FAM168A: variants seen among roughly 807,000 people sequenced by gnomAD.
FAM168A encodes protein FAM168A.
FAM168A carries 3 observed loss-of-function variants against 28.5 expected under a neutral mutation model. The observed-to-expected ratio is 0.11, with a 90% CI of 0.05 to 0.27. FAM168A has a LOEUF of 0.27. Among genes scored for constraint, FAM168A ranks in the 10% least tolerant of loss-of-function variants. FAM168A has a pLI of 1.00. For synonymous variants in FAM168A, 122 were observed against 124.2 expected, an observed-to-expected ratio of 0.98 and a Z score of 0.12; for missense variants, 222 against 311.5, an observed-to-expected ratio of 0.71 and a Z score of 2.16.
At chr11:73,504,714 T>G (rs956917593) in intron 1 of FAM168A, among the ~76,000 whole-genome samples, 2 of 152,232 alleles carry the variant, frequency 1.3e-5, no homozygotes, top group Non-Finnish European at 2.9e-5. Flanking sequence ...ATATGTTTAC[T>G]GCAGCACTAC....
At chr11:73,589,652 G>A (rs1944359509) in intron 1 of FAM168A, among the ~76,000 whole-genome samples, 1 of 152,240 alleles carries the variant, frequency 6.6e-6, no homozygotes, top group African/African-American at 2.4e-5. Flanking sequence ...CTTTCGGCTG[G>A]GCACGGTGGC....
chr11:73,470,657 G>A (rs1054006461), intron 1 of FAM168A, among the ~76,000 whole-genome samples: 5 of 152,126 alleles, frequency 3.3e-5, no homozygotes, highest in African/African-American at 1.2e-4. Context: ...GGATGACACA[G>A]CAAGAAGGCC....
At chr11:73,514,644 C>T (rs780091317) in intron 1 of FAM168A, among the ~76,000 whole-genome samples, 4 of 152,138 alleles carry the variant, frequency 2.6e-5, no homozygotes, top group Non-Finnish European at 5.9e-5. Context: ...CCAGCCTGAG[C>T]AACATGGCAA....
Position 73,406,360 on chromosome 11 carries a change from A to G in FAM168A, c.*403T>C, listed in dbSNP as rs1235111521. On this transcript the variant is annotated 3_prime_UTR_variant, in exon 8 of 8. Transcript: ENST00000356467. ...CAACAGCTCTGAGTTCCTACCCTGGACCACATCTGTTTATGCTCTTCAAAT... is the reference window on the plus strand; with the variant it reads ...CAACAGCTCTGAGTTCCTACCCTGGGCCACATCTGTTTATGCTCTTCAAAT... 1 of 152,182 alleles carries G rather than the reference A, an allele frequency of 6.6e-6. No homozygotes were observed. The highest frequency in any genetic ancestry group is 1.9e-4 in the East Asian group (1 of 5,186). The allele number at this position is 152,182 out of a possible 1,614,324, so 9.4% of individuals were successfully genotyped here. A position where few individuals can be genotyped will look rare whatever the true frequency, so the allele number is the denominator to read the frequency against.
At chr11:73,539,019 ACAGG>A (rs1943619220) in intron 1 of FAM168A, among the ~76,000 whole-genome samples, 2 of 152,246 alleles carry the variant, frequency 1.3e-5, no homozygotes, top group South Asian at 4.1e-4. Flanking sequence ...AAAGGAACTT[ACAGG>A]TTAAATAAGA....
At chr11:73,560,650 A>G (rs1943947614) in intron 1 of FAM168A, among the ~76,000 whole-genome samples, 1 of 152,248 alleles carries the variant, frequency 6.6e-6, no homozygotes, top group Non-Finnish European at 1.5e-5. Flanking sequence ...AGCTAAATTT[A>G]AACAGTGATA....
chr11:73,408,898 T>C (rs1385192162), intron 6 of FAM168A, among the ~76,000 whole-genome samples: 1 of 152,060 alleles, frequency 6.6e-6, no homozygotes, highest in African/African-American at 2.4e-5. Context: ...ACATTGCCCC[T>C]GTGTCTTCTT....
rs1409537849 is a variant in FAM168A at position 73,526,895 on chromosome 11, G to A, written c.-18-58403C>T. Reference sequence around the variant, plus strand: ...AAAAAAAAAAAAAAAAAAAAAAAACGGAGAGAAATGAAACAAACTGAAACA... The same window carrying A: ...AAAAAAAAAAAAAAAAAAAAAAAACAGAGAGAAATGAAACAAACTGAAACA... On this transcript the variant is annotated intron_variant, in intron 1 of 7. Coordinates refer to ENST00000356467, the MANE Select transcript of FAM168A (RefSeq NM_015159.3). Among the ~76,000 whole-genome samples the A allele has an allele frequency of 9.3e-5, 12 of 128,638 alleles. No homozygotes were observed. The East Asian group carries it at 1.6e-3, about 17-fold the overall frequency. The allele number at this position is 128,638 out of a possible 152,430, so 84.4% of individuals were successfully genotyped here. A position where few individuals can be genotyped will look rare whatever the true frequency, so the allele number is the denominator to read the frequency against.
chr11:73,464,334 G>A (rs947714035), intron 2 of FAM168A, among the ~76,000 whole-genome samples: 1 of 146,578 alleles, frequency 6.8e-6, no homozygotes, highest in African/African-American at 2.6e-5. Context: ...GGGGTGGGGG[G>A]GAAAACAAAC....
intron 1 of FAM168A, among the ~76,000 whole-genome samples, chr11:73,563,306 T>C (rs891943519): frequency 2.6e-4 from 39 of 152,238 alleles, no homozygotes; most frequent in Non-Finnish European, 1.0e-4. Flanking sequence ...TAAGCAACTA[T>C]CCTCTGAGGA....
chr11:73,472,758 T>C (rs1247276652), intron 1 of FAM168A, among the ~76,000 whole-genome samples: 1 of 152,180 alleles, frequency 6.6e-6, no homozygotes, highest in East Asian at 1.9e-4. Context: ...CTAATGGATT[T>C]AATATAAGGT....
chr11:73,472,537 C>A (rs1044603328), intron 1 of FAM168A, among the ~76,000 whole-genome samples: 1 of 152,140 alleles, frequency 6.6e-6, no homozygotes, highest in Non-Finnish European at 1.5e-5. Context: ...GACTGTTTTA[C>A]AAAGAAGAGT....
At chr11:73,437,391 C>T (rs1398062403) in intron 2 of FAM168A, among the ~76,000 whole-genome samples, 5 of 149,046 alleles carry the variant, frequency 3.4e-5, no homozygotes, top group Non-Finnish European at 4.4e-5. Context: ...GCTACCACGC[C>T]CGGCCACTCT....
intron 3 of FAM168A, among the ~76,000 whole-genome samples, chr11:73,423,258 A>T (rs559424512): frequency 6.6e-6 from 1 of 152,082 alleles, no homozygotes; most frequent in South Asian, 2.1e-4. Flanking sequence ...TCTGAACTAC[A>T]CTACTGCAAC....
chr11:73,544,680 A>ATAATTATATATTTTATATGTAATTATATG (rs1943703026), intron 1 of FAM168A, among the ~76,000 whole-genome samples: 4 of 125,912 alleles, frequency 3.2e-5, no homozygotes, highest in African/African-American at 5.9e-5. Flanking sequence ...ATAATTATAT[A>ATAATTATATATTTTATATGTAATTATATG]TAATTATATA....
chr11:73,483,105 A>C (rs1385180825), intron 1 of FAM168A, among the ~76,000 whole-genome samples: 3 of 152,220 alleles, frequency 2.0e-5, no homozygotes, highest in Non-Finnish European at 4.4e-5. Flanking sequence ...TCTTCTGTGT[A>C]GTGGGAAATA....
intron 1 of FAM168A, among the ~76,000 whole-genome samples, chr11:73,593,792 T>A (rs1406009867): frequency 2.0e-5 from 3 of 152,226 alleles, no homozygotes; most frequent in Non-Finnish European, 4.4e-5. Flanking sequence ...TCCTATGATG[T>A]TAATTCTATT....
chr11:73,507,745 G>C (rs1456538375), intron 1 of FAM168A, among the ~76,000 whole-genome samples: 1 of 152,146 alleles, frequency 6.6e-6, no homozygotes, highest in African/African-American at 2.4e-5. Context: ...AATATTACAG[G>C]TTTGAAATGT....
chr11:73,426,264 T>C (rs1866882909), intron 3 of FAM168A, among the ~76,000 whole-genome samples: 1 of 152,196 alleles, frequency 6.6e-6, no homozygotes. Context: ...TCCTACCTCT[T>C]GTGGGGCCAA....
Sources: gnomAD v4.1 joint callset for allele counts (sites outside exome capture counted in the v4.1 genomes callset) on GRCh38, gnomAD v4.1.1 for gene constraint, MANE v1.5 for transcripts, NCBI Gene and HGNC (gene_info 2026-07-23, HGNC 2026-07-21) for gene names.